Variants in HUWE1 observed in about 807,000 individuals in gnomAD.
HUWE1 encodes the protein HECT, UBA and WWE domain containing E3 ubiquitin protein ligase 1.
In HUWE1, 18 loss-of-function variants were observed where a neutral mutation model predicts 299.4. The ratio of observed to expected loss-of-function variants is 0.06; its 90% CI spans 0.04 to 0.09. The LOEUF is 0.09. Ranked by LOEUF, HUWE1 falls within the 10% of genes least tolerant of loss-of-function variation. HUWE1 has a pLI of 1.00. For synonymous variants in HUWE1, 1,317 were observed against 1,286.1 expected (o/e 1.02, Z -0.51); for missense variants, 1,832 against 3,462.3 (o/e 0.53, Z 11.82).
Position 53,625,323 on chromosome X carries a change from A to T in HUWE1, c.1490-65T>A, listed in dbSNP as rs959325010. ...CCATTAAACCACAATGATCAAGCAC[A>T]TAAAACAAAATTTTAAGAGATCCAA... On this transcript the variant is annotated intron_variant, in intron 17 of 83. Coordinates refer to ENST00000262854, the MANE Select transcript of HUWE1 (RefSeq NM_031407.7). 254 of 724,061 alleles carry T rather than the reference A, an allele frequency of 3.5e-4. 2 individuals carry two copies. The highest frequency in any genetic ancestry group is 4.5e-4 in the Non-Finnish European group (203 of 452,741). 59.7% of individuals were successfully genotyped at this position (724,061 alleles called of 1,213,427 possible). A position where few individuals can be genotyped will look rare whatever the true frequency, so the allele number is the denominator to read the frequency against.
At chrX:53,553,146 A>AT (rs1344595788) in intron 61 of HUWE1, among the ~76,000 whole-genome samples, 8 of 108,728 alleles carry the variant, frequency 7.4e-5, no homozygotes, top group Admixed American at 2.0e-4. Flanking sequence ...CAGGTAAGGG[A>AT]TTTTTTTTTG....
At chrX:53,539,320 T>TAAAAA (rs34154526) in intron 75 of HUWE1, among the ~76,000 whole-genome samples, 3 of 52,840 alleles carry the variant, frequency 5.7e-5, no homozygotes, top group Non-Finnish European at 6.8e-5. Context: ...ATTTCTGATT[T>TAAAAA]AAAAAAAAAA....
In HUWE1 at chrX:53,650,999, C is replaced by T. The variant is rs182324648; in HGVS notation, c.46-2689G>A. On this transcript the variant is annotated intron_variant, in intron 4 of 83. Transcript: ENST00000262854. ...ACCCGCTAAGTTGAATCTTGCTGGA[C>T]GTTTACTGGGTTTGTTCTTTTCTTA... 1.0e-3 allele frequency among the ~76,000 whole-genome samples: 111 copies of T among 111,107 alleles called. 1 individual carries two copies. The highest frequency in any genetic ancestry group is 9.3e-3 in the Middle Eastern group (2 of 216).
chrX:53,584,678 G>A (rs373568411), intron 40 of HUWE1, among the ~76,000 whole-genome samples: 6 of 111,304 alleles, frequency 5.4e-5, no homozygotes, highest in East Asian at 2.8e-4. Flanking sequence ...AGGAAGACTC[G>A]ATTTTCTGAA....
rs782683390 is a variant in HUWE1, at chrX:53,588,438, G to A, written c.4558C>T (p.Leu1520=). ...VSEWISQMAT[L]PQASNLATRI... is the part of the protein sequence containing the mutation. ...GTAGCCAAATTGGAGGCCTGGGGCAGTGTGGCCATCTGACTTATCCACTCT... is the reference window on the plus strand; with the variant it reads ...GTAGCCAAATTGGAGGCCTGGGGCAATGTGGCCATCTGACTTATCCACTCT... Residue 1520 remains leucine (L), a synonymous_variant, in exon 37 of 84, where the codon CTG becomes TTG. Transcript: ENST00000262854. 1.7e-6 allele frequency: 2 copies of A among 1,207,800 alleles called. No homozygotes were observed. The highest frequency in any genetic ancestry group is 2.2e-6 in the Non-Finnish European group (2 of 893,972).
chrX:53,569,835 G>A lies in HUWE1; in HGVS notation c.6313-8C>T, dbSNP rs1556949217. 1 of 1,196,030 alleles carries A rather than the reference G, an allele frequency of 8.4e-7. No individual in the cohort carries two copies. The highest frequency in any genetic ancestry group is 3.0e-5 in the East Asian group (1 of 33,806). ...AGCTAGCACACTGCAGTCCTGAAAA[G>A]TCATGAATCACGACATTTACTTACA... On this transcript the variant is annotated splice_region_variant and splice_polypyrimidine_tract_variant and intron_variant, in intron 47 of 83. Transcript: ENST00000262854.
chrX:53,645,080 TTTG>T (rs1557034467), intron 7 of HUWE1, among the ~76,000 whole-genome samples: 1 of 112,330 alleles, frequency 8.9e-6, no homozygotes. Context: ...AATTGCCACT[TTTG>T]AACAGAGAGA....
chrX:53,535,810 G>A (rs1041676716), intron 80 of HUWE1: 17 of 376,363 alleles, frequency 4.5e-5, no homozygotes, highest in Non-Finnish European at 6.9e-5. Context: ...AATCTCTTAG[G>A]AAAAGAATTT....
intron 3 of HUWE1, among the ~76,000 whole-genome samples, chrX:53,667,429 T>G (rs2069302157): frequency 8.9e-6 from 1 of 112,220 alleles, no homozygotes; most frequent in African/African-American, 3.2e-5. Flanking sequence ...TAGCCTAGCC[T>G]ACCTTAAACA....
At chrX:53,591,324 G>A (rs2064147405) in intron 33 of HUWE1, among the ~76,000 whole-genome samples, 1 of 111,792 alleles carries the variant, frequency 8.9e-6, no homozygotes, top group African/African-American at 3.3e-5. Flanking sequence ...CATTGGGTAA[G>A]GAGCCAAGAA....
intron 57 of HUWE1, 103 bp downstream of exon 57, chrX:53,559,250 TA>T: frequency 1.4e-5 from 14 of 968,708 alleles, no homozygotes; most frequent in Non-Finnish European, 1.9e-5. Flanking sequence ...CTGGCTCCTA[TA>T]AAATGGGGGT....
intron 28 of HUWE1, 131 bp downstream of exon 28, chrX:53,602,433 T>C (rs1187418507): frequency 4.7e-6 from 2 of 422,055 alleles, no homozygotes; most frequent in Non-Finnish European, 8.4e-6. Context: ...AAGAAATGAC[T>C]AAAAATTAGT....
chrX:53,615,292 A>T (rs1186065325), intron 22 of HUWE1, among the ~76,000 whole-genome samples: 2 of 108,789 alleles, frequency 1.8e-5, no homozygotes, highest in Non-Finnish European at 3.8e-5. Flanking sequence ...CAGTGGCATG[A>T]TCTTGGCTCA....
intron 68 of HUWE1, among the ~76,000 whole-genome samples, chrX:53,547,257 C>A (rs2061578049): frequency 8.9e-6 from 1 of 112,146 alleles, no homozygotes; most frequent in African/African-American, 3.2e-5. Context: ...GATCTGGTTA[C>A]TCTGAATCAC....
chrX:53,549,151 G>A lies in HUWE1; in HGVS notation c.9843C>T (p.Asn3281=), dbSNP rs186223539. Reference sequence around the variant, plus strand: ...TGGATACTGAGAGCCAGGAAAGCTGGTTGGAGCTCTTTGACTCCATCTTGT... The same window carrying A: ...TGGATACTGAGAGCCAGGAAAGCTGATTGGAGCTCTTTGACTCCATCTTGT... ...LLHKMESKSS[N]QLSWLSVSMD... The change falls in exon 67 of 84, where the codon AAC becomes AAT. Residue 3281 remains asparagine, a synonymous_variant. Transcript: ENST00000262854. 4.1e-6 allele frequency: 5 copies of A among 1,210,821 alleles called. No individual in the cohort carries two copies. Among genetic ancestry groups the A allele is most frequent in the Middle Eastern group, 2.3e-4 (1 of 4,351 alleles).
chrX:53,571,224 C>T (rs891196971), intron 47 of HUWE1, among the ~76,000 whole-genome samples: 16 of 112,029 alleles, frequency 1.4e-4, no homozygotes, highest in African/African-American at 4.5e-4. Flanking sequence ...ACATATTAGG[C>T]AGATACTTAA....
chrX:53,538,506 T>C lies in HUWE1; in HGVS notation c.11879-52A>G, dbSNP rs1312217792. 3 of 862,316 alleles carry C rather than the reference T, an allele frequency of 3.5e-6. No homozygotes were observed. In the Admixed American group the frequency reaches 6.7e-5, roughly 19 times the overall value. 71.1% of individuals were successfully genotyped at this position (862,316 alleles called of 1,213,427 possible). On this transcript the variant is annotated intron_variant, in intron 76 of 83. Transcript: ENST00000262854. ...TAAGCACATCATCTGCCCCAGAAGC[T>C]GTAAGACAGCCAACCAGCTAGCAAC...
chrX:53,562,400 C>G (rs1439164664), intron 53 of HUWE1, among the ~76,000 whole-genome samples, 156 bp from the exon 54 acceptor site: 4 of 110,938 alleles, frequency 3.6e-5, no homozygotes, highest in African/African-American at 1.3e-4. Context: ...TGAGCCAGAC[C>G]CGATTTCCTG....
At chrX:53,556,294 C>T (rs1398395320) in intron 60 of HUWE1, 1 of 346,498 alleles carries the variant, frequency 2.9e-6, no homozygotes, top group Non-Finnish European at 5.8e-6. Flanking sequence ...ATATCCCTAC[C>T]CCACAACAAT....
Sources: gnomAD v4.1 joint callset for allele counts (sites outside exome capture counted in the v4.1 genomes callset) on GRCh38, gnomAD v4.1.1 for gene constraint, MANE v1.5 for transcripts, NCBI Gene and HGNC (gene_info 2026-07-23, HGNC 2026-07-21) for gene names.